Variants in USP45 observed in about 807,000 individuals in gnomAD.
USP45 encodes ubiquitin carboxyl-terminal hydrolase 45.
In USP45, 89 loss-of-function variants were observed where a neutral mutation model predicts 95.8. The observed-to-expected ratio is 0.93, with a 90% CI of 0.78 to 1.11. USP45 has a LOEUF of 1.11. Among genes scored for constraint, USP45 ranks in the 50% least tolerant of loss-of-function variants. The pLI, the probability that USP45 is intolerant of heterozygous loss-of-function variation, is 0.00. For missense variants in USP45, 898 were observed against 942.5 expected (o/e 0.95, Z 0.62); for synonymous variants, 281 against 316.2 (o/e 0.89, Z 1.18).
At chr6:99,493,642 C>T (rs141484525) in intron 5 of USP45, among the ~76,000 whole-genome samples, 93 of 152,088 alleles carry the variant, frequency 6.1e-4, no homozygotes, top group African/African-American at 1.6e-3. Flanking sequence ...GGATTACAGG[C>T]GTCCACCACT....
At chr6:99,451,880 T>C (rs1372723775) in intron 13 of USP45, among the ~76,000 whole-genome samples, 1 of 151,986 alleles carries the variant, frequency 6.6e-6, no homozygotes, top group Non-Finnish European at 1.5e-5. Context: ...ATACCACACA[T>C]CTACAACCAT....
chr6:99,483,689 T>A (rs1267110500), intron 7 of USP45, among the ~76,000 whole-genome samples: 1 of 147,552 alleles, frequency 6.8e-6, no homozygotes, highest in Non-Finnish European at 1.5e-5. Flanking sequence ...ATACAAAAAA[T>A]TAGCCAGGCG....
chr6:99,447,026 T>C (rs1782686970), intron 13 of USP45, among the ~76,000 whole-genome samples: 1 of 152,226 alleles, frequency 6.6e-6, no homozygotes, highest in Non-Finnish European at 1.5e-5. Context: ...TCAGTTACTG[T>C]ATAAGCCTTT....
intron 9 of USP45, among the ~76,000 whole-genome samples, chr6:99,475,789 A>C (rs868698744): frequency 8.9e-5 from 13 of 146,682 alleles, no homozygotes; most frequent in Middle Eastern, 3.4e-3. Context: ...TGTACTTTTA[A>C]ATTGTAATAG....
intron 3 of USP45, 61 bp downstream of exon 3, chr6:99,508,549 A>G: frequency 6.6e-7 from 1 of 1,507,948 alleles, no homozygotes; most frequent in Non-Finnish European, 8.9e-7. Context: ...AGTCCAACTC[A>G]CAATAAGCAT....
chr6:99,467,291 CTGAGGT>C (rs1788198916), intron 10 of USP45, among the ~76,000 whole-genome samples: 1 of 152,092 alleles, frequency 6.6e-6, no homozygotes, highest in Non-Finnish European at 1.5e-5. Context: ...TTAAAATAAC[CTGAGGT>C]TGGGAGAAAA....
chr6:99,435,827 A>C lies in USP45; in HGVS notation c.2334T>G (p.Asn778Lys). ...CATGGACCCACTGGCCTGCTGATTCATTATCAGCCGCTTTCAAACCTAGCA... is the reference window on the plus strand; with the variant it reads ...CATGGACCCACTGGCCTGCTGATTCCTTATCAGCCGCTTTCAAACCTAGCA... Reference protein sequence around the residue: ...KNVPGLKAADNESAGQWVHVS... With the variant: ...KNVPGLKAADKESAGQWVHVS... Residue 778 changes from asparagine (N) to lysine (K), a missense_variant, in exon 18 of 18, where the codon AAT becomes AAG. Physicochemically the swap from Asn to Lys is moderately conservative, Grantham distance 94. Coordinates refer to ENST00000500704, the MANE Select transcript of USP45 (RefSeq NM_001346022.3). 1 of 1,612,216 alleles carries C rather than the reference A, an allele frequency of 6.2e-7. No individual in the cohort carries two copies. Among genetic ancestry groups the C allele is most frequent in the Non-Finnish European group, 8.5e-7 (1 of 1,179,324 alleles).
At chr6:99,455,054 CA>C (rs1363073155) in intron 13 of USP45, among the ~76,000 whole-genome samples, 1 of 149,168 alleles carries the variant, frequency 6.7e-6, no homozygotes, top group African/African-American at 2.5e-5. Flanking sequence ...CACACCACTG[CA>C]CTCCAGCCCG....
chr6:99,478,202 T>C (rs976323639), intron 8 of USP45, among the ~76,000 whole-genome samples: 1 of 146,064 alleles, frequency 6.8e-6, no homozygotes, highest in African/African-American at 2.5e-5. Context: ...CTGAAGAAAA[T>C]TTAATAAACT....
intron 11 of USP45, 89 bp downstream of exon 11, chr6:99,466,583 A>AT: frequency 9.3e-7 from 1 of 1,080,128 alleles, no homozygotes; most frequent in Non-Finnish European, 1.4e-6. Context: ...TTTAAAAATG[A>AT]CTGCCAATGA....
chr6:99,447,758 C>A (rs1782862612), intron 13 of USP45, among the ~76,000 whole-genome samples: 1 of 152,156 alleles, frequency 6.6e-6, no homozygotes, highest in African/African-American at 2.4e-5. Context: ...TCAAGTGGGT[C>A]CCTGACCTCC....
chr6:99,499,340 T>A (rs1796933931), intron 5 of USP45, among the ~76,000 whole-genome samples: 1 of 152,198 alleles, frequency 6.6e-6, no homozygotes, highest in Non-Finnish European at 1.5e-5. Flanking sequence ...TTCACAATGT[T>A]TCACGATTAC....
At chr6:99,464,805 C>A in intron 12 of USP45, 58 bp from the exon 13 acceptor site, 4 of 1,487,824 alleles carry the variant, frequency 2.7e-6, no homozygotes, top group Non-Finnish European at 3.6e-6. Context: ...TTCTGGATGT[C>A]CTCATCTTAA....
chr6:99,435,814 G>A lies in USP45; in HGVS notation c.2347C>T (p.Gln783Ter). Residue 783 changes from glutamine (Q) to a stop codon, truncating the protein, a stop_gained, in exon 18 of 18, where the codon CAG becomes TAG. Coordinates refer to ENST00000500704, the MANE Select transcript of USP45 (RefSeq NM_001346022.3). LOFTEE classifies it high-confidence loss of function. ...LKAADNESAG[Q>*]WVHVSDTYLQ... Reference sequence around the variant, plus strand: ...TAAGTGTCACTAACATGGACCCACTGGCCTGCTGATTCATTATCAGCCGCT... The same window carrying A: ...TAAGTGTCACTAACATGGACCCACTAGCCTGCTGATTCATTATCAGCCGCT... The A allele has an allele frequency of 6.2e-7, 1 of 1,613,108 alleles. No individual in the cohort carries two copies. The highest frequency in any genetic ancestry group is 8.5e-7 in the Non-Finnish European group (1 of 1,179,530).
chr6:99,441,755 C>T (rs1344907568), intron 15 of USP45, among the ~76,000 whole-genome samples: 2 of 152,152 alleles, frequency 1.3e-5, no homozygotes, highest in East Asian at 3.9e-4. Flanking sequence ...CTTTTTCATA[C>T]TTGCCTGGAC....
intron 5 of USP45, among the ~76,000 whole-genome samples, chr6:99,501,453 A>G (rs1797335374): frequency 6.6e-6 from 1 of 152,076 alleles, no homozygotes; most frequent in Admixed American, 6.6e-5. Flanking sequence ...ACTCTCTCCT[A>G]ACAAACCACG....
intron 9 of USP45, among the ~76,000 whole-genome samples, chr6:99,474,849 T>C (rs1399691484): frequency 2.6e-5 from 4 of 152,210 alleles, no homozygotes; most frequent in African/African-American, 9.7e-5. Context: ...TGATCCTATG[T>C]GCACAGGAAA....
intron 5 of USP45, among the ~76,000 whole-genome samples, chr6:99,492,861 A>C (rs1428867786): frequency 6.6e-6 from 1 of 152,238 alleles, no homozygotes; most frequent in African/African-American, 2.4e-5. Context: ...AATTTTACTA[A>C]GGAGTACATT....
rs1213305153 is a variant in USP45 at position 99,472,161 on chromosome 6, G to GA, written c.934-3544dup. 2.7e-5 allele frequency among the ~76,000 whole-genome samples: 4 copies of GA among 147,072 alleles called. No individual in the cohort carries two copies. In the East Asian group the frequency reaches 5.9e-4, roughly 22 times the overall value. On this transcript the variant is annotated intron_variant, in intron 9 of 17. Coordinates refer to ENST00000500704, the MANE Select transcript of USP45 (RefSeq NM_001346022.3). ...TTTTACTTTTTTTATAATATCAACA[G>GA]AAAAAAAACCCCAAGACATAATTTT...
Sources: allele counts gnomAD v4.1 joint callset (sites outside exome capture counted in the v4.1 genomes callset), GRCh38; gene constraint gnomAD v4.1.1; transcripts MANE v1.5; gene names NCBI Gene and HGNC (gene_info 2026-07-23, HGNC 2026-07-21).